The following LRP1B variants were observed in gnomAD, a reference collection of about 807,000 sequenced individuals.
The protein encoded by LRP1B is LDL receptor related protein 1B.
In LRP1B, 217 loss-of-function variants were observed where a neutral mutation model predicts 556.6. The observed-to-expected ratio is 0.39, with a 90% confidence interval of 0.35 to 0.44. The LOEUF is 0.44. Among genes scored for constraint, LRP1B ranks in the 20% least tolerant of loss-of-function variants. The probability of loss-of-function intolerance (pLI) is 1.00; values close to 1 mark genes in which losing one functional copy is unlikely to be tolerated. For synonymous variants in LRP1B, 2,047 were observed against 1,865.8 expected (o/e 1.10, Z -2.50); for missense variants, 5,053 against 5,620.8 (o/e 0.90, Z 3.23).
chr2:141,295,476 G>T (rs1017738806), intron 3 of LRP1B, among the ~76,000 whole-genome samples: 1 of 152,038 alleles, frequency 6.6e-6, no homozygotes, highest in Non-Finnish European at 1.5e-5. Context: ...AAAAAAAATT[G>T]TCAATGGTCT....
intron 2 of LRP1B, among the ~76,000 whole-genome samples, chr2:141,640,368 A>G (rs938977120): frequency 2.0e-5 from 3 of 152,220 alleles, no homozygotes; most frequent in African/African-American, 7.2e-5. Context: ...AAACTTGCAT[A>G]AACTTTAGGA....
intron 3 of LRP1B, among the ~76,000 whole-genome samples, chr2:141,362,840 G>A (rs566578970): frequency 1.3e-4 from 19 of 149,938 alleles, no homozygotes; most frequent in African/African-American, 4.7e-4. Flanking sequence ...AAAACTTAAC[G>A]TAATGATGTG....
intron 7 of LRP1B, among the ~76,000 whole-genome samples, chr2:141,106,813 C>T (rs570892724): frequency 5.3e-5 from 8 of 152,268 alleles, no homozygotes; most frequent in East Asian, 1.9e-4. Flanking sequence ...CATATACTGT[C>T]GTTGGTAAAT....
At chr2:142,130,523 T>C (rs1707812544) in intron 1 of LRP1B, 125 bp downstream of exon 1, 2 of 766,714 alleles carry the variant, frequency 2.6e-6, no homozygotes, top group Non-Finnish European at 4.2e-6. Context: ...CAGCGCACGG[T>C]GGTCACCCGG....
chr2:141,985,718 CATTCA>C (rs1490543452), intron 1 of LRP1B, among the ~76,000 whole-genome samples: 1 of 151,642 alleles, frequency 6.6e-6, no homozygotes, highest in Non-Finnish European at 1.5e-5. Context: ...TTGTCATTAT[CATTCA>C]ATTCATTAGA....
chr2:141,880,853 A>G (rs961982726), intron 1 of LRP1B, among the ~76,000 whole-genome samples: 2 of 144,496 alleles, frequency 1.4e-5, no homozygotes, highest in African/African-American at 4.9e-5. Context: ...CTGTGAATAC[A>G]ATACAAAAAT....
intron 2 of LRP1B, among the ~76,000 whole-genome samples, chr2:141,641,541 A>G (rs1255586397): frequency 6.6e-6 from 1 of 152,198 alleles, no homozygotes; most frequent in East Asian, 1.9e-4. Flanking sequence ...GAGCTTCCAA[A>G]ACATTTTAAA....
chr2:141,431,142 AAAAT>A (rs36102221), intron 3 of LRP1B, among the ~76,000 whole-genome samples: 2 of 148,180 alleles, frequency 1.3e-5, no homozygotes, highest in Non-Finnish European at 3.0e-5. Flanking sequence ...TCAAAAAATC[AAAAT>A]AAATAAATAA....
intron 1 of LRP1B, among the ~76,000 whole-genome samples, chr2:141,882,173 T>C (rs1259393273): frequency 2.6e-5 from 4 of 152,062 alleles, no homozygotes; most frequent in East Asian, 1.9e-4. Flanking sequence ...ATGTTTGATA[T>C]AGAGGTGGGT....
intron 31 of LRP1B, among the ~76,000 whole-genome samples, chr2:140,815,213 G>T (rs1691071004): frequency 6.6e-6 from 1 of 151,840 alleles, no homozygotes; most frequent in Non-Finnish European, 1.5e-5. Flanking sequence ...AGTGCACTGA[G>T]AAAAGGTCAA....
At chr2:141,613,794 C>T (rs13009820) in intron 2 of LRP1B, among the ~76,000 whole-genome samples, 44,189 of 151,794 alleles carry the variant, frequency 0.29, 7,359 homozygotes, top group Non-Finnish European at 0.38. Context: ...TTTACTTTGC[C>T]GGGTATGGCA....
chr2:140,861,654 A>G lies in LRP1B; in HGVS notation c.4579+5936T>C, dbSNP rs536606513. 1.6e-4 allele frequency among the ~76,000 whole-genome samples: 24 copies of G among 152,310 alleles called. No homozygotes were observed. In the East Asian group the frequency reaches 4.4e-3, roughly 28 times the overall value. On this transcript the variant is annotated intron_variant, in intron 27 of 90. Coordinates refer to ENST00000389484, the MANE Select transcript of LRP1B (RefSeq NM_018557.3). ...ACAATCTAGTTCTATTTAGTAAATTATATTTTGTAGTAAAAAGAGTTGAAA... is the reference window on the plus strand; with the variant it reads ...ACAATCTAGTTCTATTTAGTAAATTGTATTTTGTAGTAAAAAGAGTTGAAA...
At chr2:140,363,619 G>C (rs562949785) in intron 72 of LRP1B, among the ~76,000 whole-genome samples, 1 of 151,426 alleles carries the variant, frequency 6.6e-6, no homozygotes, top group South Asian at 2.1e-4. Flanking sequence ...GAAAACTGAA[G>C]CTGAAACTTA....
chr2:140,790,565 G>A (rs563924859), intron 32 of LRP1B, among the ~76,000 whole-genome samples: 1 of 152,156 alleles, frequency 6.6e-6, no homozygotes, highest in Non-Finnish European at 1.5e-5. Flanking sequence ...ACCTGGAGCA[G>A]ACTTGTACTG....
At chr2:140,689,119 T>C (rs769934036) in intron 41 of LRP1B, among the ~76,000 whole-genome samples, 2 of 152,226 alleles carry the variant, frequency 1.3e-5, no homozygotes, top group Non-Finnish European at 2.9e-5. Context: ...TAAAGCAAAC[T>C]AAATATGGCC....
chr2:141,971,823 G>C (rs946912401), intron 1 of LRP1B, among the ~76,000 whole-genome samples: 1 of 151,156 alleles, frequency 6.6e-6, no homozygotes, highest in African/African-American at 2.4e-5. Context: ...ATTGAACCTG[G>C]CAGAGTTCTT....
At chr2:142,060,886 A>G (rs565154178) in intron 1 of LRP1B, among the ~76,000 whole-genome samples, 3 of 152,134 alleles carry the variant, frequency 2.0e-5, no homozygotes, top group East Asian at 3.9e-4. Context: ...GATATGAGGC[A>G]TGAAAGCATA....
At chr2:140,306,776 T>C (rs1684086174) in intron 83 of LRP1B, among the ~76,000 whole-genome samples, 1 of 152,114 alleles carries the variant, frequency 6.6e-6, no homozygotes, top group South Asian at 2.1e-4. Context: ...TCTTTCCTGC[T>C]TTCTCTTGTG....
chr2:141,987,328 G>A (rs1702221255), intron 1 of LRP1B, among the ~76,000 whole-genome samples: 1 of 151,928 alleles, frequency 6.6e-6, no homozygotes, highest in Non-Finnish European at 1.5e-5. Context: ...GTTTCAGGAT[G>A]TCTGTGTTCT....
Sources: allele counts gnomAD v4.1 joint callset (sites outside exome capture counted in the v4.1 genomes callset), GRCh38; gene constraint gnomAD v4.1.1; transcripts MANE v1.5; gene names NCBI Gene and HGNC (gene_info 2026-07-23, HGNC 2026-07-21).